Variants in SNX8 observed in about 807,000 individuals in gnomAD.
SNX8 encodes the protein sorting nexin 8.
In SNX8, 25 loss-of-function variants were observed where a neutral mutation model predicts 51.6. That is an observed-to-expected ratio of 0.48 (90% CI 0.35 to 0.68). The LOEUF (loss-of-function observed/expected upper bound fraction) is 0.68, where lower values mean the gene tolerates loss of function less well. Ranked by LOEUF, SNX8 falls within the 30% of genes least tolerant of loss-of-function variation. The pLI, the probability that SNX8 is intolerant of heterozygous loss-of-function variation, is 0.00. For synonymous variants in SNX8, 324 were observed against 277.0 expected (o/e 1.17, Z -1.68); for missense variants, 695 against 624.0 (o/e 1.11, Z -1.21).
chr7:2,282,693 T>C (rs560817819), intron 1 of SNX8, among the ~76,000 whole-genome samples: 2 of 152,288 alleles, frequency 1.3e-5, no homozygotes, highest in African/African-American at 4.8e-5. Context: ...CAAAAAAGGA[T>C]TGGCCGGGCG....
chr7:2,258,972 C>T (rs1795269279), intron 7 of SNX8, among the ~76,000 whole-genome samples: 1 of 152,112 alleles, frequency 6.6e-6, no homozygotes, highest in Non-Finnish European at 1.5e-5. Flanking sequence ...GAACCCCACC[C>T]AGACGCTGCC....
At chr7:2,315,723 C>A (rs950199845), upstream of SNX8, among the ~76,000 whole-genome samples, 1 of 151,012 alleles carries the variant, frequency 6.6e-6, no homozygotes, top group Non-Finnish European at 1.5e-5. Context: ...CTCACTGCAT[C>A]CTGCATTCAT....
At chr7:2,326,156 G>T (rs1347914453) in intron 1 of SNX8, among the ~76,000 whole-genome samples, 1 of 151,912 alleles carries the variant, frequency 6.6e-6, no homozygotes, top group Non-Finnish European at 1.5e-5. Context: ...AGGAATTCAG[G>T]AGTTCAAGAC....
chr7:2,284,735 G>A (rs993758296), intron 1 of SNX8, among the ~76,000 whole-genome samples: 7 of 151,430 alleles, frequency 4.6e-5, no homozygotes, highest in Admixed American at 4.6e-4. Flanking sequence ...TGGATGGGGA[G>A]AATGAAAAAC....
At chr7:2,347,613 C>CTT (rs779721737) in intron 1 of SNX8, among the ~76,000 whole-genome samples, 20 of 121,594 alleles carry the variant, frequency 1.6e-4, no homozygotes, top group African/African-American at 5.7e-4. Context: ...ACACTGGATT[C>CTT]TTTTTTTTTT....
chr7:2,352,156 C>T (rs1779156705), intron 1 of SNX8, among the ~76,000 whole-genome samples: 1 of 151,978 alleles, frequency 6.6e-6, no homozygotes. Context: ...AATGCATCCG[C>T]CCACCTTGGC....
chr7:2,323,119 C>T (rs1470851100), intron 1 of SNX8, among the ~76,000 whole-genome samples: 1 of 152,094 alleles, frequency 6.6e-6, no homozygotes, highest in East Asian at 1.9e-4. Flanking sequence ...CATCTGAGGT[C>T]AGGAGTTCTA....
chr7:2,352,268 C>T (rs1779160338), intron 1 of SNX8, among the ~76,000 whole-genome samples: 1 of 152,040 alleles, frequency 6.6e-6, no homozygotes, highest in African/African-American at 2.4e-5. Context: ...CACTCTCGTC[C>T]ACTTTGACTT....
chr7:2,255,224 A>C (rs1199199159), intron 10 of SNX8, 55 bp from the exon 11 acceptor site: 2 of 1,150,042 alleles, frequency 1.7e-6, no homozygotes, highest in African/African-American at 1.5e-5. Context: ...GCTCCTCCTC[A>C]CGCTCTGATC....
intron 1 of SNX8, among the ~76,000 whole-genome samples, chr7:2,331,046 C>A (rs530087105): frequency 6.6e-6 from 1 of 151,814 alleles, no homozygotes; most frequent in East Asian, 1.9e-4. Context: ...ATTAGCCAGG[C>A]ATGGTGGCAG....
chr7:2,264,234 C>A, intron 6 of SNX8, 64 bp downstream of exon 6: 1 of 1,504,896 alleles, frequency 6.6e-7, no homozygotes. Context: ...CCGCCCAAGC[C>A]CTTCACCAGC....
chr7:2,323,141 C>T (rs1334651108), intron 1 of SNX8, among the ~76,000 whole-genome samples: 1 of 152,002 alleles, frequency 6.6e-6, no homozygotes, highest in Non-Finnish European at 1.5e-5. Flanking sequence ...ACCAGCCCGG[C>T]CAATACGGTG....
intron 1 of SNX8, among the ~76,000 whole-genome samples, chr7:2,332,224 T>C (rs184393975): frequency 5.3e-5 from 8 of 149,688 alleles, no homozygotes; most frequent in Non-Finnish European, 8.9e-5. Context: ...AATATATATA[T>C]ATGTATATAT....
chr7:2,294,705 A>C (rs935277763), intron 1 of SNX8, among the ~76,000 whole-genome samples: 2 of 152,170 alleles, frequency 1.3e-5, no homozygotes, highest in Non-Finnish European at 2.9e-5. Context: ...GACCATCAGC[A>C]AGCAGTTCAC....
intron 1 of SNX8, among the ~76,000 whole-genome samples, chr7:2,328,039 TATTTTG>T (rs1393142841): frequency 3.3e-5 from 5 of 151,962 alleles, no homozygotes; most frequent in African/African-American, 2.4e-5. Context: ...CCTATTTTTT[TATTTTG>T]ATTTTATTTG....
At chr7:2,257,897 T>C (rs1795231786) in intron 7 of SNX8, 94 bp from the exon 8 acceptor site, 2 of 1,238,332 alleles carry the variant, frequency 1.6e-6, no homozygotes, top group Admixed American at 3.5e-5. Context: ...GGCCGGTTCC[T>C]TCCTCCCAGA....
At chr7:2,342,685 C>A (rs1778954973) in intron 1 of SNX8, among the ~76,000 whole-genome samples, 1 of 151,584 alleles carries the variant, frequency 6.6e-6, no homozygotes, top group African/African-American at 2.4e-5. Context: ...AATTACAGTG[C>A]ATGACAAAAG....
At position 2,256,732 on chromosome 7, in the gene SNX8, T is replaced by C. The variant is rs150780806; in HGVS notation, c.1284+142A>G. 183 of 714,698 alleles carry C rather than the reference T, an allele frequency of 2.6e-4. 2 individuals carry two copies. In the East Asian group the frequency reaches 4.6e-3, roughly 18 times the overall value. 44.3% of individuals were successfully genotyped at this position (714,698 alleles called of 1,614,324 possible). A position where few individuals can be genotyped will look rare whatever the true frequency, so the allele number is the denominator to read the frequency against. On this transcript the variant is annotated intron_variant, in intron 10 of 10. Coordinates refer to ENST00000222990, the MANE Select transcript of SNX8 (RefSeq NM_013321.4). ...GACTAGAAGATCCGGGCGAGCACCG[T>C]GTTCCAAGGCCCATGCGGAGCCCAA... is the stretch of plus-strand genomic sequence containing the variant.
At chr7:2,346,502 C>G (rs1350799613) in intron 1 of SNX8, among the ~76,000 whole-genome samples, 2 of 150,722 alleles carry the variant, frequency 1.3e-5, no homozygotes, top group Admixed American at 6.6e-5. Flanking sequence ...AATCCCAGCA[C>G]TTTGGGAGGC....
Sources: gnomAD v4.1 joint callset for allele counts (sites outside exome capture counted in the v4.1 genomes callset) on GRCh38, gnomAD v4.1.1 for gene constraint, MANE v1.5 for transcripts, NCBI Gene and HGNC (gene_info 2026-07-23, HGNC 2026-07-21) for gene names.